Variants in USE1 observed in about 807,000 individuals in gnomAD.
USE1 encodes unconventional SNARE in the ER 1.
Under a neutral mutation model 37.6 loss-of-function variants are expected in USE1, and 32 were observed. The observed-to-expected ratio is 0.85, with a 90% CI of 0.64 to 1.14. The LOEUF is 1.14. USE1 is among the 50% of genes most tolerant of loss of function. The pLI, the probability that USE1 is intolerant of heterozygous loss-of-function variation, is 0.00. For synonymous variants in USE1, 149 were observed against 137.6 expected (o/e 1.08, Z -0.58); for missense variants, 310 against 332.2 (o/e 0.93, Z 0.52).
intron 4 of USE1, 115 bp downstream of exon 4, chr19:17,216,436 A>G: frequency 7.1e-7 from 1 of 1,413,978 alleles, no homozygotes; most frequent in Non-Finnish European, 9.5e-7. Flanking sequence ...GGGGTCCAGC[A>G]ATCTCTTCCC....
chr19:17,215,793 C>G lies in USE1; in HGVS notation c.103-9C>G. 1 of 1,571,278 alleles carries G rather than the reference C, an allele frequency of 6.4e-7. No homozygotes were observed. The highest frequency in any genetic ancestry group is 1.1e-5 in the South Asian group (1 of 89,508). On this transcript the variant is annotated splice_polypyrimidine_tract_variant and intron_variant, in intron 1 of 7. Transcript: ENST00000263897. ...GACCCCCGGGTGACAATCCACTTTT[C>G]CTCCCCAGTACGTGGGAGCCCTAGA...
chr19:17,215,739 C>G (rs1013442551), intron 1 of USE1, 63 bp from the exon 2 acceptor site: 2 of 1,299,048 alleles, frequency 1.5e-6, no homozygotes, highest in African/African-American at 1.4e-5. Context: ...GCCCCGCCCC[C>G]CCGACTCCCA....
rs1599440943 is a variant in USE1 at position 17,219,120 on chromosome 19, CTG to C, written c.423-91_423-90del. ...CCAGCCTGGGCAACAGAACGAGACT[CTG>C]TATCAAAAAAAAAAAAAAAGAAAAT... On this transcript the variant is annotated intron_variant, in intron 6 of 7. Transcript: ENST00000263897. The C allele has an allele frequency of 3.5e-6, 5 of 1,440,214 alleles. No homozygotes were observed. In the South Asian group the frequency reaches 7.3e-5, roughly 21 times the overall value. The allele number at this position is 1,440,214 out of a possible 1,614,324, so 89.2% of individuals were successfully genotyped here.
chr19:17,218,868 C>G lies in USE1; in HGVS notation c.423-345C>G, dbSNP rs1342393686. ...AAAAGGTCGGGCGCGGTGGCTCACG[C>G]CTGTAATCCCAGCACTTTGGGAGGC... is the stretch of plus-strand genomic sequence containing the variant. On this transcript the variant is annotated intron_variant, in intron 6 of 7. Coordinates refer to ENST00000263897, the MANE Select transcript of USE1 (RefSeq NM_018467.4). 2.3e-4 allele frequency: 41 copies of G among 178,410 alleles called. No homozygotes were observed. The Admixed American group carries it at 2.4e-3, about 10-fold the overall frequency. 11.1% of individuals were successfully genotyped at this position (178,410 alleles called of 1,614,324 possible). A position where few individuals can be genotyped will look rare whatever the true frequency, so the allele number is the denominator to read the frequency against.
Position 17,217,509 on chromosome 19 carries a change from AC to A in USE1, c.394+48del, listed in dbSNP as rs756312382. ...AGGACTTGAGGGCCAGCTGACTAGG[AC>A]AAGACATGTATCCTTGCTGCCCCGG... On this transcript the variant is annotated intron_variant, in intron 5 of 7. Coordinates refer to ENST00000263897, the MANE Select transcript of USE1 (RefSeq NM_018467.4). 4.4e-6 allele frequency: 7 copies of A among 1,606,252 alleles called. No homozygotes were observed. In the East Asian group the frequency reaches 1.3e-4, roughly 31 times the overall value.
rs533084872 is a variant in USE1, at chr19:17,219,711, G to A, written c.678G>A (p.Thr226=). 2.4e-5 allele frequency: 38 copies of A among 1,613,550 alleles called. No individual in the cohort carries two copies. The Middle Eastern group carries it at 6.6e-4, about 28-fold the overall frequency. The part of the protein sequence containing the change: ...KTESERLEQH[T]QKSVNWLLWA... ...AGTCAGAGCGTCTGGAGCAGCACAC[G>A]CAGAAGTCAGTCAACTGGCTGCTCT... The change falls in exon 8 of 8, where the codon ACG becomes ACA. Residue 226 remains threonine (T), a synonymous_variant. Coordinates refer to ENST00000263897, the MANE Select transcript of USE1 (RefSeq NM_018467.4).
intron 6 of USE1, 74 bp from the exon 7 acceptor site, chr19:17,219,139 A>G (rs2073308985): frequency 5.9e-6 from 9 of 1,513,568 alleles, no homozygotes; most frequent in Non-Finnish European, 8.0e-6. Context: ...AAAAAAAAAA[A>G]AAGAAAATGT....
intron 4 of USE1, among the ~76,000 whole-genome samples, chr19:17,217,040 A>G (rs1287015352): frequency 6.6e-6 from 1 of 151,908 alleles, no homozygotes; most frequent in Admixed American, 6.6e-5. Flanking sequence ...CTCAGAGGTC[A>G]TGGGATTTCC....
chr19:17,217,748 C>T (rs981197321), intron 5 of USE1: 3 of 477,276 alleles, frequency 6.3e-6, no homozygotes, highest in Non-Finnish European at 1.2e-5. Context: ...CATGTCTCTA[C>T]TAAAAATACA....
At chr19:17,216,442 T>G in intron 4 of USE1, 121 bp downstream of exon 4, 501 of 1,344,942 alleles carry the variant, frequency 3.7e-4, no homozygotes, top group Non-Finnish European at 4.5e-4. Flanking sequence ...CAGCAATCTC[T>G]TCCCTGGGTC....
Position 17,215,453 on chromosome 19 carries a change from C to A in USE1, c.48C>A (p.Arg16=). The change falls in exon 1 of 8, where the codon CGC becomes CGA. Residue 16 remains arginine (R), a synonymous_variant. Coordinates refer to ENST00000263897, the MANE Select transcript of USE1 (RefSeq NM_018467.4). ...TAAACCTGGTGCGGCTGCTATCCCG[C>A]TGCGAGGCGATGGCAGCGGAGAAAC... is the stretch of plus-strand genomic sequence containing the variant. ...LELNLVRLLS[R]CEAMAAEKRD... is the part of the protein sequence containing the mutation. The A allele has an allele frequency of 1.3e-6, 2 of 1,563,700 alleles. No homozygotes were observed. The highest frequency in any genetic ancestry group is 1.7e-6 in the Non-Finnish European group (2 of 1,155,778).
At chr19:17,218,702 C>G (rs2145546345) in intron 6 of USE1, 1 of 256,338 alleles carries the variant, frequency 3.9e-6, no homozygotes, top group Admixed American at 5.1e-5. Context: ...TGGCATGCGC[C>G]TGTAGTCCCA....
At chr19:17,216,360 A>G in intron 4 of USE1, 39 bp downstream of exon 4, 3 of 1,598,750 alleles carry the variant, frequency 1.9e-6, no homozygotes, top group Non-Finnish European at 2.6e-6. Flanking sequence ...TCCCTTGGAC[A>G]GGAATAGGGG....
chr19:17,217,587 C>A, intron 5 of USE1, 125 bp downstream of exon 5: 1 of 1,373,526 alleles, frequency 7.3e-7, no homozygotes, highest in Non-Finnish European at 1.0e-6. Context: ...CATCACCAAA[C>A]TACACCTGGA....
rs767313539 is a variant in USE1 at position 17,216,177 on chromosome 19, CTCAGAGAAAGCACTGGCCAACCAG to C, written c.242_265del (p.Ser81_Gln88del). 6.2e-7 allele frequency: 1 copy of C among 1,612,804 alleles called. No homozygotes were observed. Among genetic ancestry groups the C allele is most frequent in the Non-Finnish European group, 8.5e-7 (1 of 1,179,506 alleles). ...TTCCCACATTTCTGCAGACCTCCTC[CTCAGAGAAAGCACTGGCCAACCAG>C]TTCCTGGCCCCTGGCCGTGTGCCAA... On this transcript the variant is annotated inframe_deletion, in exon 4 of 8. Transcript: ENST00000263897.
Position 17,215,451 on chromosome 19 carries a change from C to T in USE1, c.46C>T (p.Arg16Cys). Residue 16 changes from arginine (R) to cysteine (C), a missense_variant, in exon 1 of 8, where the codon CGC becomes TGC. Arg to Cys is a radical substitution (Grantham distance 180, BLOSUM62 -3). Coordinates refer to ENST00000263897, the MANE Select transcript of USE1 (RefSeq NM_018467.4). ...GCTAAACCTGGTGCGGCTGCTATCCCGCTGCGAGGCGATGGCAGCGGAGAA... is the reference window on the plus strand; with the variant it reads ...GCTAAACCTGGTGCGGCTGCTATCCTGCTGCGAGGCGATGGCAGCGGAGAA... Reference protein sequence around the residue: ...LELNLVRLLSRCEAMAAEKRD... With the variant: ...LELNLVRLLSCCEAMAAEKRD... 3 of 1,563,234 alleles carry T rather than the reference C, an allele frequency of 1.9e-6. No individual in the cohort carries two copies. Among genetic ancestry groups the T allele is most frequent in the Non-Finnish European group, 2.6e-6 (3 of 1,155,544 alleles).
chr19:17,215,469 G>T lies in USE1; in HGVS notation c.64G>T (p.Ala22Ser), dbSNP rs369914957. The T allele has an allele frequency of 1.6e-5, 25 of 1,564,468 alleles. No individual in the cohort carries two copies. The highest frequency in any genetic ancestry group is 1.9e-5 in the Non-Finnish European group (22 of 1,156,132). The change falls in exon 1 of 8, where the codon GCG (alanine) becomes TCG (serine). Residue 22 changes from alanine (A) to serine (S), a missense_variant. Transcript: ENST00000263897. The stretch of plus-strand genomic sequence containing the variant: ...GCTATCCCGCTGCGAGGCGATGGCA[G>T]CGGAGAAACGGGACCCGGACGAGTG... ...RLLSRCEAMA[A>S]EKRDPDEWRL...
At chr19:17,219,445 C>G (rs1883444060) in intron 7 of USE1, 58 bp downstream of exon 7, 7 of 1,502,992 alleles carry the variant, frequency 4.7e-6, no homozygotes, top group Non-Finnish European at 6.3e-6. Context: ...GAAGGCTTCC[C>G]AGCACAGGAG....
intron 5 of USE1, 112 bp from the exon 6 acceptor site, chr19:17,218,252 A>G: frequency 6.8e-7 from 1 of 1,472,672 alleles, no homozygotes; most frequent in Non-Finnish European, 9.3e-7. Flanking sequence ...GGGGCAGCAG[A>G]CAAGATGAGG....
Sources: allele counts gnomAD v4.1 joint callset (sites outside exome capture counted in the v4.1 genomes callset), GRCh38; gene constraint gnomAD v4.1.1; transcripts MANE v1.5; gene names NCBI Gene and HGNC (gene_info 2026-07-23, HGNC 2026-07-21).